The following NRG1 variants were observed in gnomAD, a reference collection of about 807,000 sequenced individuals.
NRG1 encodes pro-neuregulin-1, membrane-bound isoform.
In NRG1, 18 loss-of-function variants were observed where a neutral mutation model predicts 63.8. The observed-to-expected ratio is 0.28, with a 90% CI of 0.19 to 0.42. The LOEUF (loss-of-function observed/expected upper bound fraction) is 0.42, where lower values mean the gene tolerates loss of function less well. Ranked by LOEUF, NRG1 falls within the 10% of genes least tolerant of loss-of-function variation. NRG1 has a pLI of 1.00. For missense variants in NRG1, 762 were observed against 814.7 expected (o/e 0.94, Z 0.79); for synonymous variants, 302 against 301.3 (o/e 1.00, Z -0.02).
At chr8:31,786,912 G>C (rs1196605266) in intron 1 of NRG1, among the ~76,000 whole-genome samples, 2 of 151,860 alleles carry the variant, frequency 1.3e-5, no homozygotes, top group East Asian at 1.9e-4. Context: ...TTAAACCATC[G>C]GACCCTGGTA....
chr8:32,245,479 C>G (rs1848511908), intron 1 of NRG1, among the ~76,000 whole-genome samples: 1 of 152,078 alleles, frequency 6.6e-6, no homozygotes, highest in African/African-American at 2.4e-5. Flanking sequence ...TTAAATCATT[C>G]CAGACAAGTC....
chr8:32,306,960 T>C (rs6468095), intron 1 of NRG1, among the ~76,000 whole-genome samples: 122,360 of 152,174 alleles, frequency 0.8, 49,216 homozygotes, highest in South Asian at 0.84. Context: ...TTTTTAATAA[T>C]GGGCAGCTTT....
chr8:32,231,226 G>A (rs950464018), intron 1 of NRG1, among the ~76,000 whole-genome samples: 49 of 152,188 alleles, frequency 3.2e-4, no homozygotes, highest in African/African-American at 1.1e-3. Flanking sequence ...AGTTGAATAG[G>A]AGACTAATTT....
At chr8:31,741,538 A>G (rs146808421) in intron 1 of NRG1, among the ~76,000 whole-genome samples, 28 of 152,196 alleles carry the variant, frequency 1.8e-4, no homozygotes, top group African/African-American at 6.7e-4. Flanking sequence ...AATCGTAGTA[A>G]ATAACATAAA....
At chr8:32,764,637 C>G (rs891013296) in exon 12 of NRG1, 2 of 361,324 alleles carry the variant, frequency 5.5e-6, no homozygotes, top group Non-Finnish European at 9.8e-6. Context: ...TATGTTATGT[C>G]GAGAGCAAGT....
chr8:32,379,191 T>C (rs1810026988), intron 1 of NRG1, among the ~76,000 whole-genome samples: 1 of 152,152 alleles, frequency 6.6e-6, no homozygotes, highest in African/African-American at 2.4e-5. Context: ...ACAGATTTTT[T>C]TCTGAAGAGC....
chr8:31,980,272 C>T (rs1441985278), intron 1 of NRG1, among the ~76,000 whole-genome samples: 1 of 151,982 alleles, frequency 6.6e-6, no homozygotes, highest in Non-Finnish European at 1.5e-5. Context: ...CAGAATCTTT[C>T]AGGAAATGTC....
chr8:31,745,149 A>T (rs1414784540), intron 1 of NRG1, among the ~76,000 whole-genome samples: 2 of 151,984 alleles, frequency 1.3e-5, no homozygotes, highest in Non-Finnish European at 2.9e-5. Flanking sequence ...GAGGTAGATG[A>T]ATGCACGATC....
chr8:32,390,852 C>G (rs985058553), intron 1 of NRG1, among the ~76,000 whole-genome samples: 8 of 151,818 alleles, frequency 5.3e-5, no homozygotes, highest in Non-Finnish European at 1.0e-4. Flanking sequence ...GACTAAGCAC[C>G]AAGTAAATAT....
chr8:31,912,401 G>T (rs1482981864), intron 1 of NRG1, among the ~76,000 whole-genome samples: 3 of 152,100 alleles, frequency 2.0e-5, no homozygotes, highest in African/African-American at 7.2e-5. Context: ...GCAGGTGGCT[G>T]GCAGTGTGGG....
intron 7 of NRG1, among the ~76,000 whole-genome samples, chr8:32,746,765 G>C (rs184928487): frequency 2.0e-5 from 3 of 152,018 alleles, no homozygotes; most frequent in African/African-American, 7.2e-5. Flanking sequence ...AAGTTCAATA[G>C]GAAGCATGTG....
intron 1 of NRG1, among the ~76,000 whole-genome samples, chr8:31,868,146 TTACACACACA>T (rs147730655): frequency 0.1 from 11,545 of 115,810 alleles, 942 homozygotes; most frequent in African/African-American, 0.23. Flanking sequence ...CACATACATC[TTACACACACA>T]CACACACACA....
At chr8:32,335,857 C>T (rs1423842619) in intron 1 of NRG1, among the ~76,000 whole-genome samples, 3 of 152,282 alleles carry the variant, frequency 2.0e-5, no homozygotes, top group East Asian at 3.9e-4. Flanking sequence ...GCAACACACA[C>T]AGCCAGGTCA....
intron 1 of NRG1, among the ~76,000 whole-genome samples, chr8:31,857,634 A>AAG: frequency 6.6e-6 from 1 of 152,322 alleles, no homozygotes; most frequent in Admixed American, 6.5e-5. Context: ...TCTTGGCTTC[A>AAG]AGAGCGGGAA....
chr8:32,082,537 G>A, intron 1 of NRG1, among the ~76,000 whole-genome samples: 1 of 152,076 alleles, frequency 6.6e-6, no homozygotes, highest in East Asian at 1.9e-4. Flanking sequence ...AAAAACAACA[G>A]GAAAATAAAG....
intron 1 of NRG1, among the ~76,000 whole-genome samples, chr8:32,463,871 ATTCTTTTTTTTTTTTTTT>A (rs1822659436): frequency 1.2e-5 from 1 of 80,506 alleles, no homozygotes; most frequent in African/African-American, 4.3e-5. Context: ...AAAACTTAGA[ATTCTTTTTTTTTTTTTTT>A]TTTTTTTTTT....
At chr8:32,507,297 A>T (rs567310487) in intron 1 of NRG1, among the ~76,000 whole-genome samples, 2 of 152,214 alleles carry the variant, frequency 1.3e-5, no homozygotes, top group Non-Finnish European at 2.9e-5. Context: ...TCTCCAAAGC[A>T]TGAAAAATTT....
intron 1 of NRG1, among the ~76,000 whole-genome samples, chr8:31,939,785 C>T (rs1801476146): frequency 6.6e-6 from 1 of 152,124 alleles, no homozygotes; most frequent in Non-Finnish European, 1.5e-5. Flanking sequence ...TCAGAATAAA[C>T]AAAATTTACA....
intron 1 of NRG1, among the ~76,000 whole-genome samples, chr8:31,683,135 A>G (rs967471982): frequency 5.3e-5 from 8 of 152,202 alleles, no homozygotes; most frequent in African/African-American, 1.9e-4. Flanking sequence ...AGAGAAAGGA[A>G]GGAGGTTTCA....
Sources: allele counts gnomAD v4.1 joint callset (sites outside exome capture counted in the v4.1 genomes callset), GRCh38; gene constraint gnomAD v4.1.1; transcripts MANE v1.5; gene names NCBI Gene and HGNC (gene_info 2026-07-23, HGNC 2026-07-21).